Variants in ACER3 observed in about 807,000 individuals in gnomAD.
ACER3 encodes alkCDase 3.
A neutral mutation model predicts 48.9 loss-of-function variants in ACER3; 16 were observed. The observed-to-expected ratio is 0.33, with a 90% CI of 0.22 to 0.50. The LOEUF is 0.50. Among genes scored for constraint, ACER3 ranks in the 20% least tolerant of loss-of-function variants. ACER3 has a pLI of 0.98. For missense variants in ACER3, 227 were observed against 326.0 expected, an observed-to-expected ratio of 0.70 and a Z score of 2.34; for synonymous variants, 109 against 107.8, an observed-to-expected ratio of 1.01 and a Z score of -0.07.
chr11:76,970,499 A>C (rs1010164912), intron 3 of ACER3, among the ~76,000 whole-genome samples: 2 of 152,224 alleles, frequency 1.3e-5, no homozygotes, highest in African/African-American at 4.8e-5. Context: ...TCCAGATAAA[A>C]GGAGATAAAA....
intron 1 of ACER3, among the ~76,000 whole-genome samples, chr11:76,923,506 C>T (rs575653332): frequency 4.1e-4 from 63 of 152,178 alleles, no homozygotes; most frequent in African/African-American, 1.4e-3. Context: ...ATGTTTCTTG[C>T]TTTTTTTGTA....
intron 7 of ACER3, 47 bp downstream of exon 7, chr11:76,998,868 C>G: frequency 7.1e-7 from 1 of 1,416,650 alleles, no homozygotes; most frequent in Non-Finnish European, 9.6e-7. Flanking sequence ...ATATTCAGAC[C>G]TATAACAGTA....
intron 1 of ACER3, among the ~76,000 whole-genome samples, chr11:76,918,946 A>G (rs2134770575): frequency 6.7e-6 from 1 of 149,742 alleles, no homozygotes; most frequent in South Asian, 2.2e-4. Context: ...CATTATTTGA[A>G]GATCTGCATA....
intron 1 of ACER3, among the ~76,000 whole-genome samples, chr11:76,914,739 A>G (rs140963811): frequency 0.029 from 4,425 of 152,292 alleles, 222 homozygotes; most frequent in African/African-American, 0.1. Context: ...ATAAAGACAC[A>G]TGCATACGTA....
intron 1 of ACER3, among the ~76,000 whole-genome samples, chr11:76,885,866 C>T (rs949431503): frequency 1.3e-5 from 2 of 152,020 alleles, no homozygotes; most frequent in Non-Finnish European, 2.9e-5. Context: ...TAAGCAAGGC[C>T]CCAGATGCCA....
At chr11:76,879,012 A>C (rs1433303987) in intron 1 of ACER3, among the ~76,000 whole-genome samples, 1 of 151,890 alleles carries the variant, frequency 6.6e-6, no homozygotes, top group Non-Finnish European at 1.5e-5. Flanking sequence ...AAAAAATTGG[A>C]TTGTCTTTTT....
intron 1 of ACER3, among the ~76,000 whole-genome samples, chr11:76,914,522 G>T (rs187474986): frequency 6.6e-6 from 1 of 152,070 alleles, no homozygotes; most frequent in East Asian, 1.9e-4. Context: ...TTAGAATGGC[G>T]ATCATTAAAA....
chr11:76,953,239 A>T (rs1947733019), intron 2 of ACER3, among the ~76,000 whole-genome samples: 1 of 152,198 alleles, frequency 6.6e-6, no homozygotes, highest in Non-Finnish European at 1.5e-5. Flanking sequence ...GCTAGCAGTT[A>T]AAGCAGGATG....
At chr11:76,998,122 T>G (rs1455223054) in intron 6 of ACER3, among the ~76,000 whole-genome samples, 1 of 152,226 alleles carries the variant, frequency 6.6e-6, no homozygotes, top group Non-Finnish European at 1.5e-5. Flanking sequence ...GCTTTATATG[T>G]ATTTGCTAAC....
intron 1 of ACER3, among the ~76,000 whole-genome samples, chr11:76,907,255 G>T (rs1467211341): frequency 2.6e-5 from 4 of 152,100 alleles, no homozygotes; most frequent in African/African-American, 9.7e-5. Context: ...GTGATCAGTG[G>T]CCCCATCACA....
At chr11:76,943,782 A>C (rs1947404263) in intron 2 of ACER3, among the ~76,000 whole-genome samples, 1 of 147,624 alleles carries the variant, frequency 6.8e-6, no homozygotes, top group African/African-American at 2.5e-5. Context: ...ATTGCTGTAT[A>C]CTTCTTTCTT....
chr11:76,947,030 C>G (rs1428303870), intron 2 of ACER3, among the ~76,000 whole-genome samples: 1 of 152,158 alleles, frequency 6.6e-6, no homozygotes, highest in African/African-American at 2.4e-5. Flanking sequence ...TGCCTTGAAC[C>G]CTCTCTTTAT....
intron 6 of ACER3, among the ~76,000 whole-genome samples, chr11:76,995,171 G>A (rs1161853808): frequency 6.6e-6 from 1 of 152,114 alleles, no homozygotes; most frequent in African/African-American, 2.4e-5. Flanking sequence ...TTAGGTTGGG[G>A]GATGTCCTTC....
At chr11:77,000,372 A>G (rs1342905683) in intron 7 of ACER3, among the ~76,000 whole-genome samples, 2 of 152,150 alleles carry the variant, frequency 1.3e-5, no homozygotes, top group African/African-American at 4.8e-5. Flanking sequence ...CTTTCTCCCA[A>G]TCTATAACTT....
chr11:77,023,194 T>A lies in ACER3; in HGVS notation c.*2867T>A, dbSNP rs1949498733. ...AACATGTTTTTAAATAATCTACAAA[T>A]GAGAACCCAAATAGTAGTGTTTTGT... On this transcript the variant is annotated 3_prime_UTR_variant, in exon 11 of 11. Transcript: ENST00000532485. 3 of 398,400 alleles carry A rather than the reference T, an allele frequency of 7.5e-6. No individual in the cohort carries two copies. Among genetic ancestry groups the A allele is most frequent in the Non-Finnish European group, 1.3e-5 (3 of 226,008 alleles). 24.7% of individuals were successfully genotyped at this position (398,400 alleles called of 1,614,324 possible). A position where few individuals can be genotyped will look rare whatever the true frequency, so the allele number is the denominator to read the frequency against.
At chr11:76,968,241 T>G (rs1208800254) in intron 3 of ACER3, among the ~76,000 whole-genome samples, 2 of 150,184 alleles carry the variant, frequency 1.3e-5, no homozygotes, top group Non-Finnish European at 3.0e-5. Context: ...ACAAGGGATG[T>G]GAAGGACGTC....
At chr11:76,929,364 G>A (rs999452099) in intron 2 of ACER3, among the ~76,000 whole-genome samples, 17 of 152,210 alleles carry the variant, frequency 1.1e-4, no homozygotes, top group Non-Finnish European at 1.0e-4. Context: ...ATTTTGGGCT[G>A]AGACGATGGG....
At chr11:76,936,192 G>A (rs1947179349) in intron 2 of ACER3, among the ~76,000 whole-genome samples, 1 of 152,098 alleles carries the variant, frequency 6.6e-6, no homozygotes, top group African/African-American at 2.4e-5. Flanking sequence ...GAGTAGATTC[G>A]AATTAGAATA....
At chr11:77,005,679 C>T (rs1949120227) in intron 7 of ACER3, among the ~76,000 whole-genome samples, 1 of 151,812 alleles carries the variant, frequency 6.6e-6, no homozygotes, top group Non-Finnish European at 1.5e-5. Flanking sequence ...CAGTCTTTGC[C>T]TTGTCACATG....
Sources: allele counts gnomAD v4.1 joint callset (sites outside exome capture counted in the v4.1 genomes callset), GRCh38; gene constraint gnomAD v4.1.1; transcripts MANE v1.5; gene names NCBI Gene and HGNC (gene_info 2026-07-23, HGNC 2026-07-21).